The following PRSS3 variants were observed in gnomAD, a reference collection of about 807,000 sequenced individuals.
PRSS3 encodes the protein trypsin-3.
Under a neutral mutation model 20.8 loss-of-function variants are expected in PRSS3, and 14 were observed. That is an observed-to-expected ratio of 0.67 (90% confidence interval 0.44 to 1.05). PRSS3 has a LOEUF of 1.05. Ranked by LOEUF, PRSS3 falls within the 50% of genes least tolerant of loss-of-function variation. The pLI is 0.00. For synonymous variants in PRSS3, 91 were observed against 117.6 expected, an observed-to-expected ratio of 0.77 and a Z score of 1.46; for missense variants, 237 against 306.4, an observed-to-expected ratio of 0.77 and a Z score of 1.69.
rs151118439 is a variant in PRSS3 at position 33,774,186 on chromosome 9, T to G, written c.-52-20560T>G. Among the ~76,000 whole-genome samples the G allele has an allele frequency of 1.1e-4, 16 of 152,326 alleles. No homozygotes were observed. The East Asian group carries it at 3.1e-3, about 29-fold the overall frequency. On this transcript the variant is annotated intron_variant, in intron 1 of 5. Transcript: ENST00000342836. ...TTTTTATTGTTCTACTTGAAGTTAT[T>G]TATTACCTTGTTCCTCCTGTAACTA...
Position 33,750,720 on chromosome 9 carries a change from G to A in PRSS3, c.-60G>A. On this transcript the variant is annotated 5_prime_UTR_variant, in exon 1 of 6. Transcript: ENST00000342836. The surrounding 1 kb of genome is among the most constrained non-coding windows in gnomAD (Gnocchi z 4.8). ...GGGATGCAGACGGCTGCGAGGCGCTGGGCACAGGTCAGACGTCAGTACCCG... is the reference window on the plus strand; with the variant it reads ...GGGATGCAGACGGCTGCGAGGCGCTAGGCACAGGTCAGACGTCAGTACCCG... 1 of 1,446,788 alleles carries A rather than the reference G, an allele frequency of 6.9e-7. No homozygotes were observed. The highest frequency in any genetic ancestry group is 1.5e-5 in the South Asian group (1 of 68,204). The allele number at this position is 1,446,788 out of a possible 1,614,324, so 89.6% of individuals were successfully genotyped here.
chr9:33,765,109 T>C (rs1002234516), intron 1 of PRSS3, among the ~76,000 whole-genome samples: 7 of 152,120 alleles, frequency 4.6e-5, no homozygotes, highest in African/African-American at 1.7e-4. Flanking sequence ...AAACATAGAG[T>C]TACCATCTGA....
chr9:33,757,648 A>G (rs1444852090), intron 1 of PRSS3, among the ~76,000 whole-genome samples: 2 of 152,112 alleles, frequency 1.3e-5, no homozygotes, highest in Non-Finnish European at 2.9e-5. Flanking sequence ...TTCAACAAAG[A>G]CTGCAAACTC....
intron 1 of PRSS3, among the ~76,000 whole-genome samples, chr9:33,782,064 GTCT>G (rs1262385109): frequency 1.3e-5 from 2 of 152,202 alleles, no homozygotes; most frequent in African/African-American, 2.4e-5. Context: ...CTATGTAGAG[GTCT>G]TCTTCAGGTG....
intron 1 of PRSS3, among the ~76,000 whole-genome samples, chr9:33,779,653 G>A (rs1163941339): frequency 6.6e-6 from 1 of 152,102 alleles, no homozygotes; most frequent in Non-Finnish European, 1.5e-5. Flanking sequence ...CAGATCACGA[G>A]TTCAGGAGAT....
intron 1 of PRSS3, among the ~76,000 whole-genome samples, chr9:33,774,052 A>G (rs958382307): frequency 6.6e-6 from 1 of 152,144 alleles, no homozygotes; most frequent in South Asian, 2.1e-4. Context: ...TTCCTTAAGT[A>G]TTTTTTTATT....
At chr9:33,791,811 C>T (rs1217309884), upstream of PRSS3, among the ~76,000 whole-genome samples, 3 of 152,162 alleles carry the variant, frequency 2.0e-5, no homozygotes, top group Non-Finnish European at 4.4e-5. Context: ...AGAGGCTTCC[C>T]CATTTACCCA....
At chr9:33,796,969 A>G (rs1382702315) in intron 2 of PRSS3, among the ~76,000 whole-genome samples, 167 bp downstream of exon 2, 2 of 152,206 alleles carry the variant, frequency 1.3e-5, no homozygotes, top group East Asian at 1.9e-4. Flanking sequence ...TCCATGAAAC[A>G]GCAAGGGTTG....
chr9:33,798,095 C>T lies in PRSS3; in HGVS notation c.454+13C>T, dbSNP rs1825104683. On this transcript the variant is annotated intron_variant, in intron 3 of 4. Coordinates refer to ENST00000379405, the MANE Select transcript of PRSS3 (RefSeq NM_002771.4). ...CTGAGCTTTGGTGGTGAGTGGGACCCTTTGTCCTTCTACTTCCCCCCATCC... is the reference window on the plus strand; with the variant it reads ...CTGAGCTTTGGTGGTGAGTGGGACCTTTTGTCCTTCTACTTCCCCCCATCC... 1 of 1,614,246 alleles carries T rather than the reference C, an allele frequency of 6.2e-7. No homozygotes were observed. Among genetic ancestry groups the T allele is most frequent in the Non-Finnish European group, 8.5e-7 (1 of 1,180,042 alleles).
At chr9:33,770,588 A>G (rs1823642369) in intron 1 of PRSS3, among the ~76,000 whole-genome samples, 1 of 152,160 alleles carries the variant, frequency 6.6e-6, no homozygotes, top group Admixed American at 6.5e-5. Context: ...GACTCTTTTG[A>G]GATAAGATCT....
chr9:33,796,090 C>T (rs796216348), intron 1 of PRSS3, among the ~76,000 whole-genome samples: 4 of 147,912 alleles, frequency 2.7e-5, no homozygotes, highest in African/African-American at 7.6e-5. Context: ...CCAGGCATGC[C>T]GCCAAAGTTA....
At chr9:33,755,904 G>A (rs1056425770) in intron 1 of PRSS3, among the ~76,000 whole-genome samples, 7 of 152,086 alleles carry the variant, frequency 4.6e-5, no homozygotes, top group Admixed American at 3.3e-4. Flanking sequence ...GAACCTCCAC[G>A]GTCCCTGTCT....
chr9:33,752,599 A>T (rs1159877042), intron 1 of PRSS3, among the ~76,000 whole-genome samples: 1 of 152,230 alleles, frequency 6.6e-6, no homozygotes, highest in Non-Finnish European at 1.5e-5. Context: ...GAACAATTAG[A>T]GGCCACAGGT....
chr9:33,767,796 G>C (rs1340449300), intron 1 of PRSS3, among the ~76,000 whole-genome samples: 2 of 152,118 alleles, frequency 1.3e-5, no homozygotes, highest in Non-Finnish European at 2.9e-5. Context: ...CTGCACTCCA[G>C]CCTGGGCAAC....
chr9:33,785,332 T>G (rs1344241739), intron 1 of PRSS3, among the ~76,000 whole-genome samples: 2 of 150,420 alleles, frequency 1.3e-5, no homozygotes, highest in African/African-American at 2.5e-5. Context: ...CGCCCGCCAC[T>G]ACGCCCGGCT....
At chr9:33,793,877 A>AATG (rs1410908764), upstream of PRSS3, among the ~76,000 whole-genome samples, 1 of 152,268 alleles carries the variant, frequency 6.6e-6, no homozygotes, top group African/African-American at 2.4e-5. Flanking sequence ...ACTGAAAAGC[A>AATG]ATGTACCACT....
At chr9:33,775,058 A>T (rs1266507184) in intron 1 of PRSS3, among the ~76,000 whole-genome samples, 1 of 95,934 alleles carries the variant, frequency 1.0e-5, no homozygotes, top group South Asian at 2.9e-4. Context: ...TTCTTTCTGT[A>T]AAAAAAAAAA....
At chr9:33,780,216 A>G (rs1448366553) in intron 1 of PRSS3, among the ~76,000 whole-genome samples, 1 of 152,212 alleles carries the variant, frequency 6.6e-6, no homozygotes, top group African/African-American at 2.4e-5. Context: ...CTAGCCACAG[A>G]CTTCTCAGCA....
At chr9:33,796,615 G>A (rs1336531034) in intron 1 of PRSS3, 28 bp from the exon 2 acceptor site, 1 of 1,613,172 alleles carries the variant, frequency 6.2e-7, no homozygotes. Flanking sequence ...CTACTGACTT[G>A]CCTTCTCCCT....
Sources: allele counts gnomAD v4.1 joint callset (sites outside exome capture counted in the v4.1 genomes callset), GRCh38; gene constraint gnomAD v4.1.1; non-coding constraint Gnocchi (gnomAD v3.1); transcripts MANE v1.5; gene names NCBI Gene and HGNC (gene_info 2026-07-23, HGNC 2026-07-21).